FAM78B: variants seen among roughly 807,000 people sequenced by gnomAD.
FAM78B encodes family with sequence similarity 78 member B.
FAM78B carries 10 observed loss-of-function variants against 20.0 expected under a neutral mutation model. The observed-to-expected ratio is 0.50, with a 90% CI of 0.31 to 0.85. The LOEUF is 0.85. Among genes scored for constraint, FAM78B ranks in the 40% least tolerant of loss-of-function variants. The pLI, the probability that FAM78B is intolerant of heterozygous loss-of-function variation, is 0.05. For missense variants in FAM78B, 283 were observed against 345.0 expected (o/e 0.82, Z 1.42); for synonymous variants, 135 against 132.8 (o/e 1.02, Z -0.12).
chr1:166,130,981 C>CTT (rs869158425), intron 1 of FAM78B, among the ~76,000 whole-genome samples: 136 of 113,964 alleles, frequency 1.2e-3, no homozygotes, highest in East Asian at 3.5e-3. Context: ...TCCCCAGGTG[C>CTT]TTTTTTTTTT....
exon 3 of FAM78B, chr1:166,057,713 A>G (rs540941688): frequency 6.6e-6 from 1 of 152,348 alleles, no homozygotes; most frequent in East Asian, 1.9e-4. Flanking sequence ...ACACAGCACA[A>G]TTCCAAGGAG....
At chr1:166,124,337 G>C (rs1654567181) in intron 1 of FAM78B, among the ~76,000 whole-genome samples, 1 of 152,104 alleles carries the variant, frequency 6.6e-6, no homozygotes, top group African/African-American at 2.4e-5. Context: ...TGTCTTTATT[G>C]TAGTTACTAT....
At position 166,091,617 on chromosome 1, in the gene FAM78B, T is replaced by G. The variant is rs1653077169; in HGVS notation, c.264-20854A>C. Among the ~76,000 whole-genome samples the G allele has an allele frequency of 1.3e-5, 2 of 152,194 alleles. 1 individual carries two copies. The highest frequency in any genetic ancestry group is 4.1e-4 in the South Asian group (2 of 4,826). Reference sequence around the variant, plus strand: ...CTTTACCAGCAGCATGAGGACAGACTAATACAGATGGTATCTCAAGCCTAA... The same window carrying G: ...CTTTACCAGCAGCATGAGGACAGACGAATACAGATGGTATCTCAAGCCTAA... On this transcript the variant is annotated intron_variant, in intron 1 of 1. Coordinates refer to ENST00000354422, the MANE Select transcript of FAM78B (RefSeq NM_001017961.5).
chr1:166,077,389 G>C (rs568303683), intron 1 of FAM78B, among the ~76,000 whole-genome samples: 2 of 152,084 alleles, frequency 1.3e-5, no homozygotes, highest in Non-Finnish European at 2.9e-5. Context: ...CTTGGTATGA[G>C]AATTAAATGA....
chr1:166,121,072 C>G (rs1480072727), intron 1 of FAM78B, among the ~76,000 whole-genome samples: 1 of 152,220 alleles, frequency 6.6e-6, no homozygotes, highest in Non-Finnish European at 1.5e-5. Flanking sequence ...ATTTGTAGAG[C>G]CTCGGGCAAT....
At chr1:166,102,854 A>G (rs534616080) in intron 1 of FAM78B, among the ~76,000 whole-genome samples, 6 of 152,324 alleles carry the variant, frequency 3.9e-5, no homozygotes, top group African/African-American at 9.6e-5. Context: ...TGCACCAAGC[A>G]GACCTAATAG....
chr1:166,135,056 T>C (rs982881019), intron 1 of FAM78B, among the ~76,000 whole-genome samples: 10 of 152,158 alleles, frequency 6.6e-5, no homozygotes, highest in African/African-American at 1.2e-4. Flanking sequence ...TATGTTACTA[T>C]GCAAACACAT....
chr1:166,076,090 C>A (rs974731412), intron 1 of FAM78B, among the ~76,000 whole-genome samples: 2 of 152,332 alleles, frequency 1.3e-5, no homozygotes, highest in South Asian at 4.1e-4. Context: ...GGTCTCCTTG[C>A]TAATTACTCA....
At chr1:166,059,229 A>G (rs1052720515) in exon 3 of FAM78B, 41 of 152,716 alleles carry the variant, frequency 2.7e-4, no homozygotes, top group African/African-American at 7.2e-4. Context: ...AGTACCACTC[A>G]TGGGACCTGC....
intron 1 of FAM78B, among the ~76,000 whole-genome samples, chr1:166,104,390 A>G (rs1653676336): frequency 6.6e-6 from 1 of 152,178 alleles, no homozygotes; most frequent in Non-Finnish European, 1.5e-5. Flanking sequence ...AGGGTATTCA[A>G]TTAGGAAAAG....
intron 1 of FAM78B, among the ~76,000 whole-genome samples, chr1:166,144,258 G>A (rs561603691): frequency 2.0e-5 from 3 of 152,222 alleles, no homozygotes; most frequent in Admixed American, 6.5e-5. Context: ...CATTTGGACT[G>A]GGGAGAGCTG....
intron 1 of FAM78B, among the ~76,000 whole-genome samples, chr1:166,103,189 G>T (rs1303606789): frequency 1.3e-5 from 2 of 152,094 alleles, no homozygotes; most frequent in African/African-American, 4.8e-5. Flanking sequence ...AGAATCTCTG[G>T]GACACATTTA....
chr1:166,057,027 GC>G (rs1410120275), downstream of FAM78B, among the ~76,000 whole-genome samples: 1 of 152,160 alleles, frequency 6.6e-6, no homozygotes, highest in Non-Finnish European at 1.5e-5. Context: ...AGAAAACAGG[GC>G]CTCCCCAGTC....
In FAM78B at chr1:166,084,256, CTCTCTCTCTT is replaced by C. The variant is rs1160143103; in HGVS notation, c.264-13503_264-13494del. On this transcript the variant is annotated intron_variant, in intron 1 of 1. Transcript: ENST00000354422. ...ACACACACTCTCTCTCTCTCTCTCTCTCTCTCTCTTTCTCTCTCTCTCTTTGCATATAATT... is the reference window on the plus strand; with the variant it reads ...ACACACACTCTCTCTCTCTCTCTCTCTCTCTCTCTCTCTTTGCATATAATT... Among the ~76,000 whole-genome samples, 301 of 151,234 alleles carry C rather than the reference CTCTCTCTCTT, an allele frequency of 2.0e-3. 1 individual carries two copies. Among genetic ancestry groups the C allele is most frequent in the African/African-American group, 6.9e-3 (283 of 40,986 alleles).
At position 166,165,855 on chromosome 1, in the gene FAM78B, A is replaced by G. The variant is rs572504879; in HGVS notation, c.263+131T>C. ...AAAGCGTAGGGAGGAGGGAGGTGGG[A>G]GAGGAGGCGGGAGGAAGGTTTAGAA... On this transcript the variant is annotated intron_variant, in intron 1 of 1. Coordinates refer to ENST00000354422, the MANE Select transcript of FAM78B (RefSeq NM_001017961.5). The G allele has an allele frequency of 2.5e-4, 252 of 1,017,350 alleles. 1 individual carries two copies. The South Asian group carries it at 3.7e-3, about 15-fold the overall frequency. The allele number at this position is 1,017,350 out of a possible 1,614,324, so 63.0% of individuals were successfully genotyped here.
chr1:166,073,578 T>C (rs1020006278), intron 1 of FAM78B, among the ~76,000 whole-genome samples: 4 of 150,754 alleles, frequency 2.7e-5, no homozygotes, highest in Admixed American at 6.7e-5. Context: ...GTCTATAAAA[T>C]GCATGACTAG....
chr1:166,134,278 A>G (rs1020384846), intron 1 of FAM78B, among the ~76,000 whole-genome samples: 1 of 141,400 alleles, frequency 7.1e-6, no homozygotes, highest in Non-Finnish European at 1.5e-5. Flanking sequence ...TTACTGATCC[A>G]CAGTATTTTG....
chr1:166,131,712 C>CT (rs1654884982), intron 1 of FAM78B, among the ~76,000 whole-genome samples: 1 of 152,132 alleles, frequency 6.6e-6, no homozygotes, highest in Non-Finnish European at 1.5e-5. Context: ...GTTCAGGACA[C>CT]TGAGTGTCCC....
At chr1:166,075,387 C>T (rs1052222012) in intron 1 of FAM78B, among the ~76,000 whole-genome samples, 2 of 152,126 alleles carry the variant, frequency 1.3e-5, no homozygotes, top group East Asian at 3.9e-4. Flanking sequence ...AATAAATAAA[C>T]AAAAAGAATC....
Sources: allele counts gnomAD v4.1 joint callset (sites outside exome capture counted in the v4.1 genomes callset), GRCh38; gene constraint gnomAD v4.1.1; transcripts MANE v1.5; gene names NCBI Gene and HGNC (gene_info 2026-07-23, HGNC 2026-07-21).